The following PPP2CA variants were observed in gnomAD, a reference collection of about 807,000 sequenced individuals.
PPP2CA encodes protein phosphatase 2 catalytic subunit alpha, also known as serine/threonine-protein phosphatase 2A catalytic subunit alpha isoform.
Under a neutral mutation model 38.8 loss-of-function variants are expected in PPP2CA, and 5 were observed. The ratio of observed to expected loss-of-function variants is 0.13; its 90% CI spans 0.07 to 0.27. PPP2CA has a LOEUF of 0.27. Among genes scored for constraint, PPP2CA ranks in the 10% least tolerant of loss-of-function variants. The pLI, the probability that PPP2CA is intolerant of heterozygous loss-of-function variation, is 1.00. For missense variants in PPP2CA, 88 were observed against 389.7 expected (o/e 0.23, Z 6.52); for synonymous variants, 152 against 134.0 (o/e 1.13, Z -0.93).
intron 3 of PPP2CA, among the ~76,000 whole-genome samples, chr5:134,201,422 C>T (rs560709225): frequency 6.6e-6 from 1 of 152,342 alleles, no homozygotes; most frequent in South Asian, 2.1e-4. Flanking sequence ...CAACCAGACT[C>T]CACTTCAAAC....
At chr5:134,205,635 A>T (rs2149384485) in intron 2 of PPP2CA, 1 of 319,364 alleles carries the variant, frequency 3.1e-6, no homozygotes, top group Non-Finnish European at 6.0e-6. Context: ...TGCCTACCTC[A>T]GCGTCCCAAA....
rs1410463412 is a variant in PPP2CA at position 134,196,528 on chromosome 5, A to C, written c.*1244T>G. ...CTATTTGGTTTCACTAGTATCACTC[A>C]AAGAACTTGACACAGGCTAATGCTT... is the stretch of plus-strand genomic sequence containing the variant. On this transcript the variant is annotated 3_prime_UTR_variant, in exon 7 of 7. Transcript: ENST00000481195. 1.3e-5 allele frequency: 2 copies of C among 152,226 alleles called. No individual in the cohort carries two copies. Among genetic ancestry groups the C allele is most frequent in the Non-Finnish European group, 2.9e-5 (2 of 68,042 alleles). The allele number at this position is 152,226 out of a possible 1,614,324, so 9.4% of individuals were successfully genotyped here.
Position 134,205,911 on chromosome 5 carries a change from A to G in PPP2CA, c.312+11T>C, listed in dbSNP as rs1273582202. 6.2e-7 allele frequency: 1 copy of G among 1,608,186 alleles called. No homozygotes were observed. Among genetic ancestry groups the G allele is most frequent in the East Asian group, 2.2e-5 (1 of 44,852 alleles). The stretch of plus-strand genomic sequence containing the variant: ...CCATTTCAACATGCCCCAACATAAA[A>G]TTGAAATTACCTTAAGAGCTACAAG... On this transcript the variant is annotated intron_variant, in intron 2 of 6. Coordinates refer to ENST00000481195, the MANE Select transcript of PPP2CA (RefSeq NM_002715.4).
chr5:134,210,725 C>A (rs780875546), intron 1 of PPP2CA, among the ~76,000 whole-genome samples: 1 of 152,038 alleles, frequency 6.6e-6, no homozygotes, highest in South Asian at 2.1e-4. Flanking sequence ...CCTAGCTACT[C>A]AGGAGGCTGA....
At chr5:134,197,889 T>C (rs768823166) in intron 6 of PPP2CA, 45 bp from the exon 7 acceptor site, 27 of 1,508,808 alleles carry the variant, frequency 1.8e-5, no homozygotes, top group Non-Finnish European at 2.4e-5. Context: ...ACGACCTCCA[T>C]GTAGTGACAA....
intron 6 of PPP2CA, among the ~76,000 whole-genome samples, chr5:134,198,523 C>A (rs1029683503): frequency 1.8e-4 from 28 of 151,412 alleles, no homozygotes; most frequent in Non-Finnish European, 3.1e-4. Flanking sequence ...AAAAAAAAAA[C>A]AAAACTTAAA....
intron 4 of PPP2CA, 144 bp downstream of exon 4, chr5:134,200,841 T>C (rs113115769): frequency 4.2e-6 from 3 of 711,436 alleles, no homozygotes; most frequent in Non-Finnish European, 6.9e-6. Context: ...TCAGCTTCTT[T>C]TGAACAACAG....
At position 134,201,079 on chromosome 5, in the gene PPP2CA, A is replaced by G. The variant is rs1761958853; in HGVS notation, c.487-5T>C. ...ACCACCATGTAGACAGAAGATCTGA[A>G]AAGAGTGGTTTAAAAGGTTAACCTC... On this transcript the variant is annotated splice_polypyrimidine_tract_variant and splice_region_variant and intron_variant, in intron 3 of 6. Coordinates refer to ENST00000481195, the MANE Select transcript of PPP2CA (RefSeq NM_002715.4). The G allele has an allele frequency of 6.2e-7, 1 of 1,604,916 alleles. No individual in the cohort carries two copies. The highest frequency in any genetic ancestry group is 8.5e-7 in the Non-Finnish European group (1 of 1,171,640).
intron 1 of PPP2CA, among the ~76,000 whole-genome samples, chr5:134,223,264 AC>A (rs2149389372): frequency 6.6e-6 from 1 of 152,364 alleles, no homozygotes; most frequent in East Asian, 1.9e-4. Flanking sequence ...ACCAAAAAGC[AC>A]ATATGTAGCT....
rs1485046885 is a variant in PPP2CA, at chr5:134,220,100, A to G, written c.102+5660T>C. ...CCTCTCAGCCATTTACTGACAATAG[A>G]CACCTCTCCCTTCTTCAGCCTGGTC... is the stretch of plus-strand genomic sequence containing the variant. On this transcript the variant is annotated intron_variant, in intron 1 of 6. Coordinates refer to ENST00000481195, the MANE Select transcript of PPP2CA (RefSeq NM_002715.4). Among the ~76,000 whole-genome samples the G allele has an allele frequency of 1.3e-5, 2 of 151,672 alleles. 1 individual carries two copies. The highest frequency in any genetic ancestry group is 3.9e-4 in the East Asian group (2 of 5,180).
Position 134,201,700 on chromosome 5 carries a change from A to AT in PPP2CA, c.486+147dup, listed in dbSNP as rs751720693. On this transcript the variant is annotated intron_variant, in intron 3 of 6. Coordinates refer to ENST00000481195, the MANE Select transcript of PPP2CA (RefSeq NM_002715.4). ...AAGTTGGACACATTTGTCAAATTAAATTTTTTTTAAGTTTGAATGAATGCT... is the reference window on the plus strand; with the variant it reads ...AAGTTGGACACATTTGTCAAATTAAATTTTTTTTTAAGTTTGAATGAATGCT... The AT allele has an allele frequency of 1.1e-4, 99 of 922,056 alleles. No individual in the cohort carries two copies. In the African/African-American group the frequency reaches 1.3e-3, roughly 12 times the overall value. The allele number at this position is 922,056 out of a possible 1,614,324, so 57.1% of individuals were successfully genotyped here.
chr5:134,205,694 A>T, intron 2 of PPP2CA: 2 of 452,584 alleles, frequency 4.4e-6, no homozygotes, highest in Non-Finnish European at 4.1e-6. Flanking sequence ...ATTTTTTCAA[A>T]CAATCTGACT....
chr5:134,195,950 C>G lies in PPP2CA; in HGVS notation c.*1822G>C, dbSNP rs185560075. On this transcript the variant is annotated 3_prime_UTR_variant, in exon 7 of 7. Coordinates refer to ENST00000481195, the MANE Select transcript of PPP2CA (RefSeq NM_002715.4). Reference sequence around the variant, plus strand: ...ATCACAGGACCGGAAAAAATAGCTGCTTGGTGTCTAGATTGTTTGGGTATT... The same window carrying G: ...ATCACAGGACCGGAAAAAATAGCTGGTTGGTGTCTAGATTGTTTGGGTATT... 2.6e-5 allele frequency: 4 copies of G among 152,278 alleles called. No individual in the cohort carries two copies. The highest frequency in any genetic ancestry group is 5.9e-5 in the Non-Finnish European group (4 of 68,028). 9.4% of individuals were successfully genotyped at this position (152,278 alleles called of 1,614,324 possible). A position where few individuals can be genotyped will look rare whatever the true frequency, so the allele number is the denominator to read the frequency against.
At chr5:134,222,684 C>T (rs1274215137) in intron 1 of PPP2CA, among the ~76,000 whole-genome samples, 1 of 152,156 alleles carries the variant, frequency 6.6e-6, no homozygotes, top group Non-Finnish European at 1.5e-5. Flanking sequence ...CAAGTTGATA[C>T]TATTTACTCC....
intron 2 of PPP2CA, among the ~76,000 whole-genome samples, chr5:134,204,983 A>C (rs1452337367): frequency 7.0e-6 from 1 of 143,830 alleles, no homozygotes; most frequent in East Asian, 2.0e-4. Flanking sequence ...CCCAAGTTAG[A>C]GTGTAGGGTG....
intron 1 of PPP2CA, 160 bp downstream of exon 1, chr5:134,225,600 G>A: frequency 5.4e-6 from 3 of 554,440 alleles, no homozygotes; most frequent in Non-Finnish European, 9.1e-6. Context: ...AGGGGGCGCC[G>A]GGTCGTTAGG....
chr5:134,223,035 C>G (rs1445276970), intron 1 of PPP2CA, among the ~76,000 whole-genome samples: 2 of 152,164 alleles, frequency 1.3e-5, no homozygotes, highest in Non-Finnish European at 2.9e-5. Context: ...ACAATGACCT[C>G]TTATGGTATA....
intron 2 of PPP2CA, among the ~76,000 whole-genome samples, chr5:134,204,945 T>TC: frequency 6.6e-6 from 1 of 151,610 alleles, no homozygotes; most frequent in East Asian, 1.9e-4. Context: ...ATATTTTTTT[T>TC]TTTTTTTGAG....
chr5:134,197,884 C>T, intron 6 of PPP2CA, 40 bp from the exon 7 acceptor site: 2 of 1,529,474 alleles, frequency 1.3e-6, no homozygotes, highest in Non-Finnish European at 1.8e-6. Flanking sequence ...GTTCCACGAC[C>T]TCCATGTAGT....
Sources: gnomAD v4.1 joint callset for allele counts (sites outside exome capture counted in the v4.1 genomes callset) on GRCh38, gnomAD v4.1.1 for gene constraint, MANE v1.5 for transcripts, NCBI Gene and HGNC (gene_info 2026-07-23, HGNC 2026-07-21) for gene names.